IRS4: variants seen among roughly 807,000 people sequenced by gnomAD.
The protein encoded by IRS4 is 160 kDa phosphotyrosine protein.
IRS4 carries 15 observed loss-of-function variants against 48.6 expected under a neutral mutation model. The ratio of observed to expected loss-of-function variants is 0.31; its 90% confidence interval spans 0.21 to 0.48. The LOEUF is 0.48. Ranked by LOEUF, IRS4 falls within the 20% of genes least tolerant of loss-of-function variation. The pLI, the probability that IRS4 is intolerant of heterozygous loss-of-function variation, is 0.99. For missense variants in IRS4, 987 were observed against 1,023.4 expected (o/e 0.96, Z 0.49); for synonymous variants, 459 against 413.2 (o/e 1.11, Z -1.34).
chrX:108,734,039 T>G lies in IRS4; in HGVS notation c.2306A>C (p.Asp769Ala). Reference protein sequence around the residue: ...PKAPDTNKEDDSKDNDSESDY... With the variant: ...PKAPDTNKEDASKDNDSESDY... ...ACTCTCACTGTCATTGTCCTTTGAG[T>G]CATCCTCTTTATTAGTATCAGGTGC... is the stretch of plus-strand genomic sequence containing the variant. The change falls in exon 1 of 2, where the codon GAC becomes GCC. Residue 769 changes from aspartate to alanine, a missense_variant. By Grantham distance (126) the Asp-to-Ala change is moderately radical. Transcript: ENST00000372129. 8.3e-7 allele frequency: 1 copy of G among 1,211,466 alleles called. No individual in the cohort carries two copies. Among genetic ancestry groups the G allele is most frequent in the Non-Finnish European group, 1.1e-6 (1 of 895,358 alleles).
chrX:108,727,816 A>C (rs771177957), intron 1 of IRS4, among the ~76,000 whole-genome samples: 6 of 112,179 alleles, frequency 5.3e-5, no homozygotes, highest in Non-Finnish European at 9.4e-5. Flanking sequence ...TTTGATTTTC[A>C]AGGCTTCTAA....
chrX:108,733,669 A>C lies in IRS4; in HGVS notation c.2676T>G (p.Leu892=), dbSNP rs772009977. Residue 892 remains leucine (L), a synonymous_variant, in exon 1 of 2, where the codon CTT becomes CTG. Transcript: ENST00000372129. ...PKNKAKRPNR[L]SFITKGYKIK... is the part of the protein sequence containing the mutation. ...TTTTATATCCTTTTGTAATAAAAGA[A>C]AGTCGGTTAGGTCTCTTAGCTTTAT... is the stretch of plus-strand genomic sequence containing the variant. 3.3e-6 allele frequency: 4 copies of C among 1,211,688 alleles called. No individual in the cohort carries two copies. The highest frequency in any genetic ancestry group is 4.5e-6 in the Non-Finnish European group (4 of 895,507).
At chrX:108,731,713 G>T (rs2068902654) in intron 1 of IRS4, among the ~76,000 whole-genome samples, 1 of 111,557 alleles carries the variant, frequency 9.0e-6, no homozygotes, top group South Asian at 3.8e-4. Context: ...TAAGATATAT[G>T]AATTAAATGT....
chrX:108,730,915 C>T (rs971799988), intron 1 of IRS4, among the ~76,000 whole-genome samples: 4 of 111,769 alleles, frequency 3.6e-5, no homozygotes, highest in African/African-American at 9.8e-5. Flanking sequence ...GATCAATTTT[C>T]AGGTATATTC....
Position 108,734,728 on chromosome X carries a change from G to A in IRS4, c.1617C>T (p.Gly539=), listed in dbSNP as rs1186775431. Residue 539 remains glycine (G), a synonymous_variant, in exon 1 of 2, where the codon GGC becomes GGT. Coordinates refer to ENST00000372129, the MANE Select transcript of IRS4 (RefSeq NM_001379150.1). ...CTCTAGAGCACTGGTTTCCTCCTGA[G>A]CCCTGGCCATTTGAGCCCTGACCAC... ...SRGGQGSNGQ[G]SGGNQCSRDG... 1.7e-6 allele frequency: 2 copies of A among 1,210,625 alleles called. No homozygotes were observed. Among genetic ancestry groups the A allele is most frequent in the African/African-American group, 1.7e-5 (1 of 57,451 alleles).
rs753902559 is a variant in IRS4, at chrX:108,732,668, G to C, written c.3677C>G (p.Pro1226Arg). 1.7e-6 allele frequency: 2 copies of C among 1,211,516 alleles called. No homozygotes were observed. The highest frequency in any genetic ancestry group is 5.9e-5 in the East Asian group (2 of 33,806). ...GTCGTTGTCAGAATCTTCTCTCTCC[G>C]GGGGTCTTGGCACCCGGCGACTGCG... Reference protein sequence around the residue: ...PPRSRRVPRPPEREDSDNDDD... With the variant: ...PPRSRRVPRPREREDSDNDDD... Residue 1226 changes from proline to arginine, a missense_variant, in exon 1 of 2, where the codon CCG (proline) becomes CGG (arginine). Pro to Arg is a moderately radical substitution (Grantham distance 103, BLOSUM62 -2). Transcript: ENST00000372129.
chrX:108,721,983 T>C lies in IRS4; in HGVS notation c.*536A>G, dbSNP rs773389822. 1 of 111,985 alleles carries C rather than the reference T, an allele frequency of 8.9e-6. No individual in the cohort carries two copies. Among genetic ancestry groups the C allele is most frequent in the East Asian group, 2.8e-4 (1 of 3,560 alleles). 9.2% of individuals were successfully genotyped at this position (111,985 alleles called of 1,213,427 possible). On this transcript the variant is annotated 3_prime_UTR_variant, in exon 2 of 2. Transcript: ENST00000372129. ...CATCAAGATATCAGTTCAGTTGACA[T>C]TTAATTCATTGATCAAGAAATGTTT...
In IRS4 at chrX:108,721,852, T is replaced by TA. The variant is rs2068857122; in HGVS notation, c.*666dup. The TA allele has an allele frequency of 8.9e-6, 1 of 112,129 alleles. No individual in the cohort carries two copies. The highest frequency in any genetic ancestry group is 1.9e-5 in the Non-Finnish European group (1 of 53,211). 9.2% of individuals were successfully genotyped at this position (112,129 alleles called of 1,213,427 possible). On this transcript the variant is annotated 3_prime_UTR_variant, in exon 2 of 2. Coordinates refer to ENST00000372129, the MANE Select transcript of IRS4 (RefSeq NM_001379150.1). ...TGTTGGAAATGCTCAATCAAGATAT[T>TA]AGTTTCATTGACATATAACATGAGC... is the stretch of plus-strand genomic sequence containing the variant.
rs886108400 is a variant in IRS4 at position 108,733,176 on chromosome X, C to T, written c.3169G>A (p.Asp1057Asn). The T allele has an allele frequency of 1.7e-6, 2 of 1,209,266 alleles. No individual in the cohort carries two copies. The highest frequency in any genetic ancestry group is 1.7e-5 in the African/African-American group (1 of 57,171). The change falls in exon 1 of 2, where the codon GAT becomes AAT. Residue 1057 changes from aspartate (D) to asparagine (N), a missense_variant. Asp to Asn is a conservative substitution (Grantham distance 23, BLOSUM62 1). This residue lies in a region of IRS4 where 720 missense variants were observed against 660.3 expected (regional missense o/e 1.09). Transcript: ENST00000372129. ...CATCGGCTGGGGGAGAGAGAAATAT[C>T]CATACAGCACTCAGAAAATGGGTCG... ...VVDPFSECCMDISLSPSRCSE... is the reference protein window; with the variant it reads ...VVDPFSECCMNISLSPSRCSE...
chrX:108,728,118 C>T (rs917855496), intron 1 of IRS4, among the ~76,000 whole-genome samples: 2 of 112,226 alleles, frequency 1.8e-5, no homozygotes, highest in Non-Finnish European at 3.8e-5. Flanking sequence ...CACTTTCTTT[C>T]CTTTCAATGT....
intron 1 of IRS4, among the ~76,000 whole-genome samples, chrX:108,731,168 A>C (rs893295449): frequency 9.1e-6 from 1 of 110,073 alleles, no homozygotes; most frequent in Non-Finnish European, 1.9e-5. Flanking sequence ...TCCACGCTGC[A>C]AATGTGAGTT....
At chrX:108,732,114 C>G (rs777479240) in intron 1 of IRS4, among the ~76,000 whole-genome samples, 1 of 112,462 alleles carries the variant, frequency 8.9e-6, no homozygotes, top group East Asian at 2.8e-4. Context: ...ATTATCCTCC[C>G]TAAACATAAA....
intron 1 of IRS4, among the ~76,000 whole-genome samples, chrX:108,730,822 T>C (rs1375505660): frequency 1.8e-5 from 2 of 112,221 alleles, no homozygotes; most frequent in East Asian, 5.6e-4. Flanking sequence ...TTGAAAGTAC[T>C]ACAGGGACAC....
rs918252618 is a variant in IRS4 at position 108,736,493 on chromosome X, G to C, written c.-149C>G. On this transcript the variant is annotated 5_prime_UTR_variant, in exon 1 of 2. Coordinates refer to ENST00000372129, the MANE Select transcript of IRS4 (RefSeq NM_001379150.1). Reference sequence around the variant, plus strand: ...CCCGCCCACTCCACTCTGAGCGCACGACAGCGGGCAAAACAACACGTGACC... The same window carrying C: ...CCCGCCCACTCCACTCTGAGCGCACCACAGCGGGCAAAACAACACGTGACC... 7 of 950,713 alleles carry C rather than the reference G, an allele frequency of 7.4e-6. No individual in the cohort carries two copies. The highest frequency in any genetic ancestry group is 2.4e-5 in the South Asian group (1 of 41,924). The allele number at this position is 950,713 out of a possible 1,213,427, so 78.3% of individuals were successfully genotyped here.
rs1255630638 is a variant in IRS4 at position 108,721,523 on chromosome X, T to A, written c.*996A>T. On this transcript the variant is annotated 3_prime_UTR_variant, in exon 2 of 2. Coordinates refer to ENST00000372129, the MANE Select transcript of IRS4 (RefSeq NM_001379150.1). ...ATTGATTGATAAGTAAACACTAATT[T>A]CTTGAATATGGGAAATTGATCTCTT... 1 of 111,059 alleles carries A rather than the reference T, an allele frequency of 9.0e-6. No homozygotes were observed. Among genetic ancestry groups the A allele is most frequent in the Non-Finnish European group, 1.9e-5 (1 of 53,032 alleles). 9.2% of individuals were successfully genotyped at this position (111,059 alleles called of 1,213,427 possible).
intron 1 of IRS4, chrX:108,726,099 G>A (rs1364167625): frequency 8.9e-6 from 1 of 112,491 alleles, no homozygotes; most frequent in Non-Finnish European, 1.9e-5. Flanking sequence ...TTCTAATATA[G>A]GCAGTTTCAA....
At position 108,734,059 on chromosome X, in the gene IRS4, A is replaced by T; in HGVS notation, c.2286T>A (p.Pro762=). The part of the protein sequence containing the change: ...PPPAPSPPKA[P]DTNKEDDSKD... ...TTGAGTCATCCTCTTTATTAGTATC[A>T]GGTGCTTTTGGAGGACTCGGAGCAG... Residue 762 remains proline, a synonymous_variant, in exon 1 of 2, where the codon CCT becomes CCA. Transcript: ENST00000372129. 1 of 1,211,698 alleles carries T rather than the reference A, an allele frequency of 8.3e-7. No individual in the cohort carries two copies.
chrX:108,733,580 A>T lies in IRS4; in HGVS notation c.2765T>A (p.Val922Asp). 1.7e-6 allele frequency: 2 copies of T among 1,211,960 alleles called. No individual in the cohort carries two copies. The highest frequency in any genetic ancestry group is 2.2e-6 in the Non-Finnish European group (2 of 895,542). ...QREADSSSDY[V>D]NMDFTKRESN... Reference sequence around the variant, plus strand: ...CTCTCTTTTAGTGAAGTCCATGTTGACGTAGTCACTAGAGCTGTCAGCTTC... The same window carrying T: ...CTCTCTTTTAGTGAAGTCCATGTTGTCGTAGTCACTAGAGCTGTCAGCTTC... Residue 922 changes from valine to aspartate, a missense_variant, in exon 1 of 2, where the codon GTC becomes GAC. Val to Asp is a radical substitution (Grantham distance 152, BLOSUM62 -3). Coordinates refer to ENST00000372129, the MANE Select transcript of IRS4 (RefSeq NM_001379150.1).
Position 108,735,922 on chromosome X carries a change from G to A in IRS4, c.423C>T (p.Leu141=), listed in dbSNP as rs140861811. The A allele has an allele frequency of 8.3e-7, 1 of 1,206,502 alleles. No individual in the cohort carries two copies. Among genetic ancestry groups the A allele is most frequent in the African/African-American group, 1.8e-5 (1 of 56,714 alleles). ...AAASGAAIPP[L]IPPRRVITLY... ...GGGTGATCACGCGCCGCGGTGGAAT[G>A]AGCGGGGGGATCGCGGCGCCAGAGG... Residue 141 remains leucine, a synonymous_variant, in exon 1 of 2, where the codon CTC becomes CTT. Coordinates refer to ENST00000372129, the MANE Select transcript of IRS4 (RefSeq NM_001379150.1).
Sources: allele counts gnomAD v4.1 joint callset (sites outside exome capture counted in the v4.1 genomes callset), GRCh38; gene constraint gnomAD v4.1.1; regional missense constraint gnomAD v4.1.1; transcripts MANE v1.5; gene names NCBI Gene and HGNC (gene_info 2026-07-23, HGNC 2026-07-21).